The following FRMD1 variants were observed in gnomAD, a reference collection of about 807,000 sequenced individuals.
FRMD1 encodes FERM domain-containing protein 1.
Under a neutral mutation model 54.9 loss-of-function variants are expected in FRMD1, and 51 were observed. The ratio of observed to expected loss-of-function variants is 0.93; its 90% CI spans 0.74 to 1.17. The LOEUF (loss-of-function observed/expected upper bound fraction) is 1.17, where lower values mean the gene tolerates loss of function less well. Ranked by LOEUF, FRMD1 falls within the 50% of genes most tolerant of loss-of-function variation. FRMD1 has a pLI of 0.00. For synonymous variants in FRMD1, 324 were observed against 306.4 expected (o/e 1.06, Z -0.60); for missense variants, 729 against 743.0 (o/e 0.98, Z 0.22).
At chr6:168,065,651 A>G in intron 4 of FRMD1, 1 of 986,612 alleles carries the variant, frequency 1.0e-6, no homozygotes, top group South Asian at 4.7e-5. Context: ...AACCTTCCAC[A>G]TATTCACACA....
intron 1 of FRMD1, 79 bp from the exon 2 acceptor site, chr6:168,075,414 G>A (rs1562426669): frequency 1.7e-6 from 2 of 1,172,398 alleles, no homozygotes; most frequent in Non-Finnish European, 1.3e-6. Flanking sequence ...ACGAGGCCCA[G>A]CGGGGCACCA....
intron 2 of FRMD1, among the ~76,000 whole-genome samples, chr6:168,072,492 G>A (rs1011156026): frequency 1.3e-5 from 2 of 152,218 alleles, no homozygotes; most frequent in South Asian, 2.1e-4. Context: ...GGCGTTTCTC[G>A]CCTTGGGAGA....
Position 168,057,063 on chromosome 6 carries a change from G to A in FRMD1, c.*34C>T. ...AGTGGGGTGGGCAGGGGCTGAGCCTGGCGGTGCGGACGGTACTGCTGGGTG... is the reference window on the plus strand; with the variant it reads ...AGTGGGGTGGGCAGGGGCTGAGCCTAGCGGTGCGGACGGTACTGCTGGGTG... On this transcript the variant is annotated 3_prime_UTR_variant, in exon 11 of 11. Transcript: ENST00000283309. 1 of 1,442,218 alleles carries A rather than the reference G, an allele frequency of 6.9e-7. No individual in the cohort carries two copies. Among genetic ancestry groups the A allele is most frequent in the Non-Finnish European group, 9.1e-7 (1 of 1,094,852 alleles). The allele number at this position is 1,442,218 out of a possible 1,614,324, so 89.3% of individuals were successfully genotyped here.
upstream of FRMD1, chr6:168,081,454 A>C: frequency 6.5e-7 from 1 of 1,535,286 alleles, no homozygotes; most frequent in Non-Finnish European, 8.7e-7. Flanking sequence ...GAGGAAGAGG[A>C]GACCACCGCC....
At chr6:168,083,042 A>G (rs961093160), upstream of FRMD1, among the ~76,000 whole-genome samples, 6 of 152,206 alleles carry the variant, frequency 3.9e-5, no homozygotes, top group Admixed American at 6.5e-5. Flanking sequence ...GTGAGTTTAC[A>G]TGTGGAGCGC....
At chr6:168,076,153 G>A (rs910393009) in intron 1 of FRMD1, among the ~76,000 whole-genome samples, 1 of 152,190 alleles carries the variant, frequency 6.6e-6, no homozygotes, top group African/African-American at 2.4e-5. Context: ...CCAAGCCTGT[G>A]ACGGAGGGTG....
Position 168,053,688 on chromosome 6 carries a change from A to G in FRMD1, c.*3409T>C, listed in dbSNP as rs3734894. The G allele has an allele frequency of 0.37, 56,489 of 152,048 alleles. 10,803 individuals are homozygous for G. Among genetic ancestry groups the G allele is most frequent in the African/African-American group, 0.48 (20,065 of 41,446 alleles). The allele number at this position is 152,048 out of a possible 1,614,324, so 9.4% of individuals were successfully genotyped here. ...CAAACTGATAAACCTTTGTGAATGC[A>G]CTCGCAGGGCCGCAGAGCTCAGCTT... On this transcript the variant is annotated 3_prime_UTR_variant, in exon 11 of 11. Coordinates refer to ENST00000283309, the MANE Select transcript of FRMD1 (RefSeq NM_024919.6).
chr6:168,083,183 G>T (rs1562434190), upstream of FRMD1, among the ~76,000 whole-genome samples: 1 of 152,194 alleles, frequency 6.6e-6, no homozygotes, highest in Non-Finnish European at 1.5e-5. Context: ...AGTAAACAGG[G>T]TGGGAGGGTG....
chr6:168,067,135 T>C, intron 3 of FRMD1: 1 of 703,224 alleles, frequency 1.4e-6, no homozygotes, highest in Non-Finnish European at 2.6e-6. Flanking sequence ...AGCAGCTGCG[T>C]GGACAGAAGG....
intron 1 of FRMD1, among the ~76,000 whole-genome samples, chr6:168,078,439 C>T (rs1046937128): frequency 3.3e-5 from 5 of 152,114 alleles, no homozygotes; most frequent in African/African-American, 9.7e-5. Flanking sequence ...CTTGACACCT[C>T]ACAGACACCT....
chr6:168,075,888 C>CG (rs1800570885), intron 1 of FRMD1: 2 of 297,794 alleles, frequency 6.7e-6, no homozygotes, highest in African/African-American at 1.2e-4. Context: ...TCCACATTTC[C>CG]GGCGTCCCGT....
intron 7 of FRMD1, 79 bp downstream of exon 7, chr6:168,062,815 G>A (rs1239599005): frequency 1.2e-6 from 2 of 1,602,562 alleles, no homozygotes; most frequent in Non-Finnish European, 1.7e-6. Context: ...ATGCTACACA[G>A]CCCAGACTCC....
intron 1 of FRMD1, among the ~76,000 whole-genome samples, chr6:168,089,096 G>A (rs1488156650): frequency 6.6e-6 from 1 of 152,254 alleles, no homozygotes; most frequent in Non-Finnish European, 1.5e-5. Flanking sequence ...GCCATACACA[G>A]GGGCCAGCAG....
At chr6:168,079,356 G>A (rs1168952511), upstream of FRMD1, among the ~76,000 whole-genome samples, 1 of 152,214 alleles carries the variant, frequency 6.6e-6, no homozygotes, top group African/African-American at 2.4e-5. Flanking sequence ...TCCCATGCAG[G>A]GTAGCTCAGC....
At chr6:168,082,324 G>A (rs1365577794), upstream of FRMD1, among the ~76,000 whole-genome samples, 13 of 152,196 alleles carry the variant, frequency 8.5e-5, no homozygotes, top group Non-Finnish European at 1.8e-4. Context: ...GTGGCCAGCC[G>A]GGGTCTTGCT....
chr6:168,064,726 C>T, intron 5 of FRMD1, 145 bp downstream of exon 5: 1 of 1,403,550 alleles, frequency 7.1e-7, no homozygotes, highest in Non-Finnish European at 9.4e-7. Flanking sequence ...GACAGAAGGA[C>T]AGGTGATTGC....
chr6:168,089,526 G>A (rs577588574), intron 1 of FRMD1, among the ~76,000 whole-genome samples: 168 of 152,308 alleles, frequency 1.1e-3, no homozygotes, highest in African/African-American at 3.7e-3. Context: ...GGCAGGAATG[G>A]CCGCCTCCAG....
chr6:168,081,781 C>G, upstream of FRMD1: 1 of 419,562 alleles, frequency 2.4e-6, no homozygotes, highest in Non-Finnish European at 4.2e-6. Context: ...GGCCAGGGAG[C>G]TGGCAGCAGG....
Position 168,059,142 on chromosome 6 carries a change from G to T in FRMD1, c.1389C>A (p.Ser463Arg), listed in dbSNP as rs753435160. 1.4e-5 allele frequency: 22 copies of T among 1,581,174 alleles called. No homozygotes were observed. Among genetic ancestry groups the T allele is most frequent in the Non-Finnish European group, 1.6e-5 (19 of 1,167,802 alleles). Residue 463 changes from serine to arginine, a missense_variant, in exon 10 of 11, where the codon AGC becomes AGA. Transcript: ENST00000283309. The surrounding 1 kb of genome is among the most constrained non-coding windows in gnomAD (Gnocchi z 4.4). ...PCTQVRTRGQSAEAVHQIQEM... is the reference protein window; with the variant it reads ...PCTQVRTRGQRAEAVHQIQEM... ...ACTCTACCTGGTGCACGGCCTCGGC[G>T]CTCTGGCCTCTGGTCCTGACCTGGG...
Sources: gnomAD v4.1 joint callset for allele counts (sites outside exome capture counted in the v4.1 genomes callset) on GRCh38, gnomAD v4.1.1 for gene constraint, Gnocchi (gnomAD v3.1) non-coding constraint, MANE v1.5 for transcripts, NCBI Gene and HGNC (gene_info 2026-07-23, HGNC 2026-07-21) for gene names.